Variants in MOV10L1 observed in about 807,000 individuals in gnomAD.
MOV10L1 encodes Mov10 like RNA helicase 1.
Under a neutral mutation model 143.8 loss-of-function variants are expected in MOV10L1, and 110 were observed. That is an observed-to-expected ratio of 0.76 (90% CI 0.66 to 0.90). The LOEUF (loss-of-function observed/expected upper bound fraction) is 0.90. Ranked by LOEUF, MOV10L1 falls within the 40% of genes least tolerant of loss-of-function variation. The probability of loss-of-function intolerance (pLI) is 0.00; values close to 1 mark genes in which losing one functional copy is unlikely to be tolerated. For missense variants in MOV10L1, 1,406 were observed against 1,526.8 expected (o/e 0.92, Z 1.32); for synonymous variants, 593 against 581.1 (o/e 1.02, Z -0.29).
At chr22:50,097,188 C>T (rs1303769824) in intron 2 of MOV10L1, among the ~76,000 whole-genome samples, 1 of 152,212 alleles carries the variant, frequency 6.6e-6, no homozygotes, top group African/African-American at 2.4e-5. Flanking sequence ...TCACAGCTCA[C>T]TGCAGCCTCA....
intron 15 of MOV10L1, among the ~76,000 whole-genome samples, chr22:50,136,866 C>T (rs2147301266): frequency 6.6e-6 from 1 of 152,276 alleles, no homozygotes; most frequent in African/African-American, 2.4e-5. Context: ...AAAGTTGACA[C>T]AGTGCCAGAA....
chr22:50,153,025 C>T lies in MOV10L1; in HGVS notation c.2893-20C>T. ...CCGGGTACCACCTTCCCCTTGTGAC[C>T]CATCACCATCTCCTCGCAGGTCACA... On this transcript the variant is annotated intron_variant, in intron 21 of 26. Coordinates refer to ENST00000262794, the MANE Select transcript of MOV10L1 (RefSeq NM_018995.3). The T allele has an allele frequency of 7.6e-6, 12 of 1,582,146 alleles. No individual in the cohort carries two copies. Among genetic ancestry groups the T allele is most frequent in the Non-Finnish European group, 9.5e-6 (11 of 1,157,460 alleles).
chr22:50,104,745 C>A (rs1044754030), intron 3 of MOV10L1, among the ~76,000 whole-genome samples: 6 of 152,066 alleles, frequency 3.9e-5, no homozygotes, highest in Non-Finnish European at 2.9e-5. Context: ...ATCTTAGCAT[C>A]TAAGATGTAT....
chr22:50,133,395 G>T (rs1408782415), intron 13 of MOV10L1, among the ~76,000 whole-genome samples: 1 of 151,262 alleles, frequency 6.6e-6, no homozygotes, highest in East Asian at 1.9e-4. Context: ...GGAATTTGAG[G>T]CTTCAGTGAG....
intron 6 of MOV10L1, 58 bp downstream of exon 6, chr22:50,113,846 A>T (rs2062088800): frequency 1.4e-6 from 2 of 1,395,818 alleles, no homozygotes; most frequent in East Asian, 2.6e-5. Flanking sequence ...TTACACTATG[A>T]CTCAATAATT....
At chr22:50,109,670 C>CAA (rs35087419) in intron 5 of MOV10L1, 266 of 107,260 alleles carry the variant, frequency 2.5e-3, no homozygotes, top group South Asian at 8.9e-3. Flanking sequence ...GACTCCTTCT[C>CAA]AAAAAAAAAA....
intron 2 of MOV10L1, chr22:50,094,340 C>T (rs1352391115): frequency 1.3e-5 from 2 of 151,602 alleles, no homozygotes; most frequent in Admixed American, 1.3e-4. Flanking sequence ...GTTCTATTAA[C>T]ATCATTTTCC....
chr22:50,147,017 G>A, intron 19 of MOV10L1: 2 of 1,538,156 alleles, frequency 1.3e-6, no homozygotes, highest in Non-Finnish European at 1.8e-6. Flanking sequence ...ACAAGACAGG[G>A]ATTTTTTTTG....
Position 50,154,474 on chromosome 22 carries a change from A to G in MOV10L1, c.3066+1256A>G, listed in dbSNP as rs2063376662. ...TCCCGGCTACTTGGGAGGCTGAGGC[A>G]GAAGGATTGCTTGAGCCCAGGAGAT... On this transcript the variant is annotated intron_variant, in intron 22 of 26. Coordinates refer to ENST00000262794, the MANE Select transcript of MOV10L1 (RefSeq NM_018995.3). 2.0e-5 allele frequency among the ~76,000 whole-genome samples: 3 copies of G among 152,114 alleles called. No individual in the cohort carries two copies. In the South Asian group the frequency reaches 6.2e-4, roughly 32 times the overall value.
intron 18 of MOV10L1, 50 bp from the exon 19 acceptor site, chr22:50,145,639 C>G (rs1325099530): frequency 6.2e-7 from 1 of 1,603,336 alleles, no homozygotes; most frequent in Admixed American, 1.7e-5. Flanking sequence ...TTTTGGAATT[C>G]TGCTTAATAA....
chr22:50,157,974 C>G (rs939584681), intron 22 of MOV10L1, 83 bp from the exon 23 acceptor site: 1 of 1,503,404 alleles, frequency 6.7e-7, no homozygotes, highest in Admixed American at 1.9e-5. Context: ...TGTGTATTCC[C>G]AGCACCGACT....
chr22:50,153,273 G>A, intron 22 of MOV10L1, 55 bp downstream of exon 22: 1 of 1,536,794 alleles, frequency 6.5e-7, no homozygotes, highest in Non-Finnish European at 8.9e-7. Flanking sequence ...CAGTATGGCA[G>A]GAGGTCCTTC....
chr22:50,131,735 AG>A (rs67988967), intron 13 of MOV10L1, among the ~76,000 whole-genome samples: 14,907 of 120,114 alleles, frequency 0.12, 769 homozygotes, highest in South Asian at 0.22. Context: ...AAAAAAAAAA[AG>A]AAAATCAGTT....
intron 13 of MOV10L1, among the ~76,000 whole-genome samples, chr22:50,132,319 C>T (rs1239050668): frequency 6.6e-6 from 1 of 152,116 alleles, no homozygotes; most frequent in East Asian, 1.9e-4. Context: ...GATTTTAGGT[C>T]ATGTCAGTCT....
chr22:50,128,212 G>A (rs2062567450), intron 12 of MOV10L1, among the ~76,000 whole-genome samples: 1 of 152,356 alleles, frequency 6.6e-6, no homozygotes, highest in Admixed American at 6.5e-5. Flanking sequence ...CAAGTGAATA[G>A]AAGTTCAGTA....
At chr22:50,099,939 G>T (rs1164836289) in intron 3 of MOV10L1, among the ~76,000 whole-genome samples, 2 of 152,142 alleles carry the variant, frequency 1.3e-5, no homozygotes, top group African/African-American at 4.8e-5. Context: ...CTTGGATATT[G>T]AGTGGACTAT....
In MOV10L1 at chr22:50,108,255, T is replaced by A. The variant is rs755602036; in HGVS notation, c.555+7T>A. 1.2e-6 allele frequency: 2 copies of A among 1,606,224 alleles called. No homozygotes were observed. Among genetic ancestry groups the A allele is most frequent in the Non-Finnish European group, 1.7e-6 (2 of 1,175,960 alleles). On this transcript the variant is annotated splice_region_variant and intron_variant, in intron 4 of 26. Coordinates refer to ENST00000262794, the MANE Select transcript of MOV10L1 (RefSeq NM_018995.3). Reference sequence around the variant, plus strand: ...ATACAAGCGCGTGGACAAGGTAGCGTGCCGACTAGTGGCTCCTCTCTGTGC... The same window carrying A: ...ATACAAGCGCGTGGACAAGGTAGCGAGCCGACTAGTGGCTCCTCTCTGTGC...
intron 18 of MOV10L1, among the ~76,000 whole-genome samples, chr22:50,144,650 C>A (rs374936068): frequency 6.6e-6 from 1 of 150,720 alleles, no homozygotes; most frequent in Non-Finnish European, 1.5e-5. Context: ...GGCATGATCT[C>A]GGCTCACTGC....
chr22:50,143,328 G>A, intron 17 of MOV10L1, 107 bp downstream of exon 17: 1 of 1,272,872 alleles, frequency 7.9e-7, no homozygotes. Flanking sequence ...CAGTTGGAAA[G>A]AGCTTGAGAA....
Sources: gnomAD v4.1 joint callset for allele counts (sites outside exome capture counted in the v4.1 genomes callset) on GRCh38, gnomAD v4.1.1 for gene constraint, MANE v1.5 for transcripts, NCBI Gene and HGNC (gene_info 2026-07-23, HGNC 2026-07-21) for gene names.